NCAM2: variants seen among roughly 807,000 people sequenced by gnomAD.
NCAM2 encodes the protein N-CAM-2.
Under a neutral mutation model 98.1 loss-of-function variants are expected in NCAM2, and 30 were observed. The ratio of observed to expected loss-of-function variants is 0.31; its 90% CI spans 0.23 to 0.41. The LOEUF (loss-of-function observed/expected upper bound fraction) is 0.41, where lower values mean the gene tolerates loss of function less well. NCAM2 is among the 10% of genes least tolerant of loss of function. The pLI, the probability that NCAM2 is intolerant of heterozygous loss-of-function variation, is 1.00. For missense variants in NCAM2, 867 were observed against 1,005.8 expected, an observed-to-expected ratio of 0.86 and a Z score of 1.87; for synonymous variants, 368 against 342.4, an observed-to-expected ratio of 1.07 and a Z score of -0.83.
At chr21:21,275,996 C>T (rs2147465109) in intron 1 of NCAM2, among the ~76,000 whole-genome samples, 1 of 152,284 alleles carries the variant, frequency 6.6e-6, no homozygotes. Flanking sequence ...CTTGTCTATA[C>T]TGACCTACTA....
At position 21,373,899 on chromosome 21, in the gene NCAM2, G is replaced by A. The variant is rs754351724; in HGVS notation, c.1081G>A (p.Gly361Arg). The change falls in exon 9 of 18, where the codon GGA becomes AGA. Residue 361 changes from glycine to arginine, a missense_variant. By Grantham distance (125) the Gly-to-Arg change is moderately radical. Around this residue, in one of 5 missense-constraint regions of NCAM2, gnomAD observed 447 missense variants for 495.7 expected, o/e 0.90. Transcript: ENST00000400546. ...CCGTATCGAAGTCAAAGGGCAGCAT[G>A]GAAGCTCATCACTGCATATTAAAGA... is the stretch of plus-strand genomic sequence containing the variant. The part of the protein sequence containing the change: ...DGRIEVKGQH[G>R]SSSLHIKDVK... The A allele has an allele frequency of 6.2e-6, 10 of 1,609,938 alleles. No homozygotes were observed. Among genetic ancestry groups the A allele is most frequent in the Non-Finnish European group, 8.5e-6 (10 of 1,177,682 alleles).
chr21:21,378,173 G>C (rs1214548464), intron 9 of NCAM2, among the ~76,000 whole-genome samples: 1 of 94,274 alleles, frequency 1.1e-5, no homozygotes, highest in Non-Finnish European at 2.3e-5. Context: ...ACCAGGTACA[G>C]ACTTTTTTTT....
At chr21:21,434,297 A>G (rs532318817) in intron 12 of NCAM2, among the ~76,000 whole-genome samples, 80 of 152,358 alleles carry the variant, frequency 5.3e-4, no homozygotes, top group African/African-American at 1.9e-3. Context: ...TGGTGAGTCT[A>G]GAATATGAAC....
At chr21:21,510,450 C>G (rs933803463) in intron 16 of NCAM2, among the ~76,000 whole-genome samples, 1 of 152,034 alleles carries the variant, frequency 6.6e-6, no homozygotes, top group African/African-American at 2.4e-5. Flanking sequence ...AGTGTCTACC[C>G]TTCTGTATCT....
chr21:21,529,943 C>T (rs1280736794), intron 16 of NCAM2, among the ~76,000 whole-genome samples: 1 of 150,618 alleles, frequency 6.6e-6, no homozygotes, highest in African/African-American at 2.4e-5. Flanking sequence ...AATGCAAAAT[C>T]TCTCCCTCTC....
chr21:20,998,571 T>G lies in NCAM2; in HGVS notation c.8T>G (p.Leu3Arg), dbSNP rs574569046. ...CGGTGTCACGTCCTGAACATGAGCC[T>G]CCTCCTCTCCTTCTACCTGCTGGGG... MS[L>R]LLSFYLLGLL... Residue 3 changes from leucine (L) to arginine (R), a missense_variant, in exon 1 of 18, where the codon CTC (leucine) becomes CGC (arginine). Physicochemically the swap from Leu to Arg is moderately radical, Grantham distance 102. Around this residue, in one of 5 missense-constraint regions of NCAM2, gnomAD observed 447 missense variants for 495.7 expected, o/e 0.90. Coordinates refer to ENST00000400546, the MANE Select transcript of NCAM2 (RefSeq NM_004540.5). 2.5e-6 allele frequency: 4 copies of G among 1,614,028 alleles called. No homozygotes were observed. The highest frequency in any genetic ancestry group is 2.2e-5 in the South Asian group (2 of 91,084).
rs1183229721 is a variant in NCAM2, at chr21:21,538,808, T to C, written c.*851T>C. 6.6e-6 allele frequency: 1 copy of C among 152,130 alleles called. No homozygotes were observed. The highest frequency in any genetic ancestry group is 1.5e-5 in the Non-Finnish European group (1 of 67,986). The allele number at this position is 152,130 out of a possible 1,614,324, so 9.4% of individuals were successfully genotyped here. A position where few individuals can be genotyped will look rare whatever the true frequency, so the allele number is the denominator to read the frequency against. On this transcript the variant is annotated 3_prime_UTR_variant, in exon 18 of 18. Coordinates refer to ENST00000400546, the MANE Select transcript of NCAM2 (RefSeq NM_004540.5). The stretch of plus-strand genomic sequence containing the variant: ...GTGTCTTGATATATTTATAAATATG[T>C]GATTATCATTTATTTTTAAAATAAT...
At chr21:21,131,953 A>G (rs1335009160) in intron 1 of NCAM2, among the ~76,000 whole-genome samples, 4 of 152,294 alleles carry the variant, frequency 2.6e-5, no homozygotes, top group Admixed American at 2.0e-4. Context: ...AAGCTTAAAA[A>G]CCACACAAAT....
At chr21:21,015,328 G>T (rs1007046479) in intron 1 of NCAM2, among the ~76,000 whole-genome samples, 1 of 152,032 alleles carries the variant, frequency 6.6e-6, no homozygotes, top group Admixed American at 6.6e-5. Context: ...TGAAAACACC[G>T]GACATCATTG....
chr21:21,094,032 GT>G (rs1176172580), intron 1 of NCAM2, among the ~76,000 whole-genome samples: 1 of 151,768 alleles, frequency 6.6e-6, no homozygotes, highest in Non-Finnish European at 1.5e-5. Flanking sequence ...TATTTATTTT[GT>G]TTCCAGGGAT....
chr21:21,386,426 C>T (rs1333638602), intron 9 of NCAM2, among the ~76,000 whole-genome samples: 1 of 152,104 alleles, frequency 6.6e-6, no homozygotes, highest in Non-Finnish European at 1.5e-5. Context: ...GGCTCATTTG[C>T]AGACATAAAT....
chr21:21,116,885 C>T (rs182719195), intron 1 of NCAM2, among the ~76,000 whole-genome samples: 104 of 151,798 alleles, frequency 6.9e-4, no homozygotes, highest in South Asian at 5.2e-3. Flanking sequence ...AAGAAATACT[C>T]ACCATTGGAC....
intron 1 of NCAM2, among the ~76,000 whole-genome samples, chr21:21,086,717 G>A (rs148159110): frequency 3.4e-4 from 51 of 152,226 alleles, no homozygotes; most frequent in East Asian, 1.3e-3. Context: ...TGAAATGTGC[G>A]TCCTAAATGA....
intron 1 of NCAM2, among the ~76,000 whole-genome samples, chr21:21,012,240 G>A (rs1484954230): frequency 1.3e-5 from 2 of 152,084 alleles, no homozygotes; most frequent in Non-Finnish European, 2.9e-5. Flanking sequence ...GGTTTAGAGT[G>A]GTTGTAAGGT....
intron 15 of NCAM2, among the ~76,000 whole-genome samples, chr21:21,489,844 T>C (rs923600590): frequency 6.6e-6 from 1 of 152,070 alleles, no homozygotes; most frequent in Non-Finnish European, 1.5e-5. Context: ...ACTTATTAAC[T>C]CGTTCTCTTA....
At chr21:21,350,755 G>T (rs2075311720) in intron 8 of NCAM2, among the ~76,000 whole-genome samples, 1 of 152,074 alleles carries the variant, frequency 6.6e-6, no homozygotes, top group South Asian at 2.1e-4. Context: ...ATCAATTTCA[G>T]ATATACATAT....
intron 15 of NCAM2, among the ~76,000 whole-genome samples, chr21:21,496,535 G>A (rs1048154356): frequency 2.6e-5 from 4 of 151,982 alleles, no homozygotes; most frequent in African/African-American, 9.7e-5. Flanking sequence ...TGCGTTGTTC[G>A]TGAATATTTT....
rs1158858046 is a variant in NCAM2, at chr21:21,298,405, A to G, written c.619+6164A>G. On this transcript the variant is annotated intron_variant, in intron 5 of 17. Transcript: ENST00000400546. ...TATAAATTTACCCAAATCAATAAAT[A>G]TTTACCCAAACCAGAGTATTTTATA... Among the ~76,000 whole-genome samples the G allele has an allele frequency of 7.3e-5, 11 of 151,624 alleles. 1 individual carries two copies.
chr21:21,451,878 C>T (rs776074686), intron 12 of NCAM2, among the ~76,000 whole-genome samples: 9 of 152,044 alleles, frequency 5.9e-5, no homozygotes, highest in Non-Finnish European at 1.3e-4. Context: ...GTTTAAGTTT[C>T]AAGGCCCATG....
Sources: allele counts gnomAD v4.1 joint callset (sites outside exome capture counted in the v4.1 genomes callset), GRCh38; gene constraint gnomAD v4.1.1; regional missense constraint gnomAD v4.1.1; transcripts MANE v1.5; gene names NCBI Gene and HGNC (gene_info 2026-07-23, HGNC 2026-07-21).